The following ANKRD28 variants were observed in gnomAD, a reference collection of about 807,000 sequenced individuals.
ANKRD28 encodes serine/threonine-protein phosphatase 6 regulatory ankyrin repeat subunit A.
In ANKRD28, 44 loss-of-function variants were observed where a neutral mutation model predicts 126.5. The observed-to-expected ratio is 0.35, with a 90% CI of 0.27 to 0.45. The LOEUF (loss-of-function observed/expected upper bound fraction) is 0.45, where lower values mean the gene tolerates loss of function less well. ANKRD28 is among the 20% of genes least tolerant of loss of function. The pLI is 1.00. For missense variants in ANKRD28, 1,110 were observed against 1,316.6 expected, an observed-to-expected ratio of 0.84 and a Z score of 2.43; for synonymous variants, 442 against 468.5, an observed-to-expected ratio of 0.94 and a Z score of 0.73.
intron 1 of ANKRD28, among the ~76,000 whole-genome samples, chr3:15,855,525 G>C (rs1312029541): frequency 1.3e-5 from 2 of 152,172 alleles, no homozygotes; most frequent in African/African-American, 4.8e-5. Context: ...TACTATCCCA[G>C]ATTACACATA....
At chr3:15,703,231 C>A (rs554189891) in intron 14 of ANKRD28, among the ~76,000 whole-genome samples, 1 of 152,138 alleles carries the variant, frequency 6.6e-6, no homozygotes, top group Non-Finnish European at 1.5e-5. Context: ...AACCTCTACA[C>A]ACAAAAAACT....
In ANKRD28 at chr3:15,762,207, A is replaced by AAC. The variant is rs1553624364; in HGVS notation, c.280+4026_280+4027insGT. 3.9e-4 allele frequency among the ~76,000 whole-genome samples: 13 copies of AAC among 33,144 alleles called. No homozygotes were observed. In the East Asian group the frequency reaches 4.1e-3, roughly 10 times the overall value. The allele number at this position is 33,144 out of a possible 152,430, so 21.7% of individuals were successfully genotyped here. ...TGTCTTTAAAAAAAAAAAAAAAAAA[A>AAC]AAAAAACAAAACAAAAAAAAAAAAA... On this transcript the variant is annotated intron_variant, in intron 3 of 27. Coordinates refer to ENST00000683139, the MANE Select transcript of ANKRD28 (RefSeq NM_001349278.2).
rs915961366 is a variant in ANKRD28 at position 15,709,812 on chromosome 3, T to C, written c.1338-76A>G. ...TGAAATTGGTAGGTTTAAAGAAGCATGAAAGCATGTTTTTATATGAAGATA... is the reference window on the plus strand; with the variant it reads ...TGAAATTGGTAGGTTTAAAGAAGCACGAAAGCATGTTTTTATATGAAGATA... On this transcript the variant is annotated intron_variant, in intron 12 of 27. Transcript: ENST00000683139. 4 of 880,706 alleles carry C rather than the reference T, an allele frequency of 4.5e-6. No homozygotes were observed. The Admixed American group carries it at 9.1e-5, about 20-fold the overall frequency. 54.6% of individuals were successfully genotyped at this position (880,706 alleles called of 1,614,324 possible).
chr3:15,789,272 A>G (rs2059917189), intron 2 of ANKRD28, among the ~76,000 whole-genome samples: 1 of 152,094 alleles, frequency 6.6e-6, no homozygotes, highest in Non-Finnish European at 1.5e-5. Flanking sequence ...CTGAAGCCCT[A>G]TTCCTGCTCC....
intron 1 of ANKRD28, among the ~76,000 whole-genome samples, chr3:15,824,188 A>G (rs943857144): frequency 2.0e-5 from 3 of 152,190 alleles, no homozygotes; most frequent in African/African-American, 2.4e-5. Flanking sequence ...GTTTTCTTTG[A>G]GATTGGGTCT....
At chr3:15,686,547 C>T in intron 18 of ANKRD28, 1 of 520,904 alleles carries the variant, frequency 1.9e-6, no homozygotes, top group Non-Finnish European at 3.4e-6. Context: ...AGCACCCATG[C>T]CCTATCATCT....
intron 4 of ANKRD28, among the ~76,000 whole-genome samples, chr3:15,748,638 T>C (rs1244818372): frequency 2.0e-5 from 3 of 152,228 alleles, no homozygotes; most frequent in Admixed American, 6.5e-5. Flanking sequence ...TTCCTGCATC[T>C]TGACTTTAGA....
At chr3:15,714,543 A>AAC in intron 9 of ANKRD28, 35 bp downstream of exon 9, 1 of 1,491,322 alleles carries the variant, frequency 6.7e-7, no homozygotes, top group Non-Finnish European at 9.0e-7. Context: ...AAAAAAAAAA[A>AAC]AAAACCCCAA....
At chr3:15,737,483 T>G (rs1283915830) in intron 4 of ANKRD28, among the ~76,000 whole-genome samples, 2 of 19,448 alleles carry the variant, frequency 1.0e-4, no homozygotes, top group Non-Finnish European at 2.0e-4. Flanking sequence ...TTCCCTACCC[T>G]ACCATTAAAT....
intron 1 of ANKRD28, 32 bp downstream of exon 1, chr3:15,796,352 TTATACTACTAGTTCAGTAGAA>T: frequency 9.6e-7 from 1 of 1,044,866 alleles, no homozygotes; most frequent in Non-Finnish European, 1.2e-6. Context: ...AAAACAAGAT[TTATACTACTAGTTCAGTAGAA>T]TATAGTAAAC....
chr3:15,707,676 T>C (rs1044024138), intron 14 of ANKRD28, among the ~76,000 whole-genome samples: 14 of 152,202 alleles, frequency 9.2e-5, no homozygotes, highest in East Asian at 1.9e-4. Flanking sequence ...TTTTGGCAGA[T>C]AGGACAAGAA....
chr3:15,755,935 A>G (rs1164572387), intron 3 of ANKRD28, among the ~76,000 whole-genome samples: 2 of 152,254 alleles, frequency 1.3e-5, no homozygotes, highest in African/African-American at 4.8e-5. Flanking sequence ...TAAGAAACAA[A>G]AGACAACACA....
intron 6 of ANKRD28, among the ~76,000 whole-genome samples, chr3:15,727,587 A>AGG (rs1553609263): frequency 3.6e-5 from 4 of 110,308 alleles, no homozygotes; most frequent in Non-Finnish European, 7.6e-5. Context: ...AAAAAAAAAA[A>AGG]AAAGAAAGAA....
At chr3:15,744,635 T>C (rs938929039) in intron 4 of ANKRD28, among the ~76,000 whole-genome samples, 4 of 152,212 alleles carry the variant, frequency 2.6e-5, no homozygotes, top group Non-Finnish European at 5.9e-5. Context: ...ATTTTCTTTA[T>C]CCAGTCATTG....
Position 15,749,776 on chromosome 3 carries a change from T to C in ANKRD28, c.351+1974A>G, listed in dbSNP as rs1334033202. ...GTGATTGTTTTTGCTCTTCTGGGTC[T>C]AGTAACCCAGTGGAGCTACTAGGCT... On this transcript the variant is annotated intron_variant, in intron 4 of 27. Transcript: ENST00000683139. Among the ~76,000 whole-genome samples, 8 of 152,326 alleles carry C rather than the reference T, an allele frequency of 5.3e-5. No homozygotes were observed. The East Asian group carries it at 1.5e-3, about 29-fold the overall frequency.
At chr3:15,776,075 A>C (rs1292757670) in intron 2 of ANKRD28, among the ~76,000 whole-genome samples, 2 of 152,172 alleles carry the variant, frequency 1.3e-5, no homozygotes, top group African/African-American at 4.8e-5. Context: ...AGAAATTACA[A>C]GGGTTTTTTA....
intron 13 of ANKRD28, among the ~76,000 whole-genome samples, chr3:15,708,636 T>C (rs2071798819): frequency 6.6e-6 from 1 of 152,176 alleles, no homozygotes; most frequent in Admixed American, 6.5e-5. Flanking sequence ...AGTATAATTA[T>C]AAAAGCAAAT....
chr3:15,840,872 G>A (rs1400594017), intron 1 of ANKRD28, among the ~76,000 whole-genome samples: 1 of 152,226 alleles, frequency 6.6e-6, no homozygotes, highest in African/African-American at 2.4e-5. Flanking sequence ...CGGGTGTGGT[G>A]GCTCACGCCT....
At chr3:15,769,322 T>C (rs1274856524) in intron 2 of ANKRD28, among the ~76,000 whole-genome samples, 1 of 152,232 alleles carries the variant, frequency 6.6e-6, no homozygotes, top group Admixed American at 6.5e-5. Flanking sequence ...AATTTATATA[T>C]CATATTTTAC....
Sources: gnomAD v4.1 joint callset for allele counts (sites outside exome capture counted in the v4.1 genomes callset) on GRCh38, gnomAD v4.1.1 for gene constraint, MANE v1.5 for transcripts, NCBI Gene and HGNC (gene_info 2026-07-23, HGNC 2026-07-21) for gene names.